The following ASTN1 variants were observed in gnomAD, a reference collection of about 807,000 sequenced individuals.
ASTN1 encodes astrotactin-1.
In ASTN1, 41 loss-of-function variants were observed where a neutral mutation model predicts 140.7. The observed-to-expected ratio is 0.29, with a 90% confidence interval of 0.23 to 0.38. The LOEUF (loss-of-function observed/expected upper bound fraction) is 0.38. ASTN1 is among the 10% of genes least tolerant of loss of function. The pLI is 1.00. For synonymous variants in ASTN1, 640 were observed against 652.2 expected (o/e 0.98, Z 0.29); for missense variants, 1,479 against 1,678.8 (o/e 0.88, Z 2.08).
At chr1:177,078,561 G>A (rs1679030444) in intron 1 of ASTN1, among the ~76,000 whole-genome samples, 1 of 152,070 alleles carries the variant, frequency 6.6e-6, no homozygotes, top group Admixed American at 6.6e-5. Flanking sequence ...GTAAATATAT[G>A]CCACCCAACG....
chr1:177,044,773 A>G (rs778378813), intron 2 of ASTN1, among the ~76,000 whole-genome samples: 1 of 152,170 alleles, frequency 6.6e-6, no homozygotes, highest in Admixed American at 6.5e-5. Flanking sequence ...CTAATTCTGT[A>G]CCTGTTTTCC....
chr1:176,928,945 G>A (rs1026335282), intron 16 of ASTN1, among the ~76,000 whole-genome samples: 3 of 152,206 alleles, frequency 2.0e-5, no homozygotes, highest in Admixed American at 1.3e-4. Context: ...AAGCATTCAA[G>A]AGAGAAAATT....
chr1:176,968,227 G>C (rs1237925815), intron 8 of ASTN1, among the ~76,000 whole-genome samples: 1 of 152,248 alleles, frequency 6.6e-6, no homozygotes, highest in African/African-American at 2.4e-5. Flanking sequence ...GCCTAGAACA[G>C]TGCGTGGCAT....
intron 16 of ASTN1, among the ~76,000 whole-genome samples, chr1:176,901,262 A>C (rs1669753400): frequency 6.6e-6 from 1 of 152,216 alleles, no homozygotes; most frequent in South Asian, 2.1e-4. Flanking sequence ...ATTTTCTAAA[A>C]CATACAAACA....
intron 12 of ASTN1, 98 bp downstream of exon 12, chr1:176,949,087 G>C: frequency 1.3e-6 from 2 of 1,503,226 alleles, no homozygotes; most frequent in Non-Finnish European, 1.8e-6. Context: ...GGATGGCCTA[G>C]GGTGACCTAT....
intron 1 of ASTN1, among the ~76,000 whole-genome samples, chr1:177,120,723 T>C (rs1681342498): frequency 6.6e-6 from 1 of 152,144 alleles, no homozygotes; most frequent in African/African-American, 2.4e-5. Context: ...TCTGCCTACA[T>C]TGGTATTCGC....
intron 1 of ASTN1, among the ~76,000 whole-genome samples, chr1:177,115,418 T>A (rs188065039): frequency 4.1e-4 from 62 of 152,208 alleles, no homozygotes; most frequent in Non-Finnish European, 6.2e-4. Flanking sequence ...ACACCTATAA[T>A]CCCAGCACTT....
At chr1:177,153,358 T>C (rs1409062573) in intron 1 of ASTN1, among the ~76,000 whole-genome samples, 1 of 152,104 alleles carries the variant, frequency 6.6e-6, no homozygotes, top group Non-Finnish European at 1.5e-5. Flanking sequence ...ATACCCAATC[T>C]TGAACTTTCC....
At chr1:177,125,155 AT>A (rs1235538474) in intron 1 of ASTN1, among the ~76,000 whole-genome samples, 1 of 152,234 alleles carries the variant, frequency 6.6e-6, no homozygotes, top group African/African-American at 2.4e-5. Context: ...ATGCCAAATG[AT>A]TTAAAGCAGT....
intron 1 of ASTN1, among the ~76,000 whole-genome samples, chr1:177,071,120 T>C (rs935246423): frequency 6.6e-6 from 1 of 152,230 alleles, no homozygotes; most frequent in Non-Finnish European, 1.5e-5. Flanking sequence ...GTCGTATTTG[T>C]ACATTTCTGT....
At position 177,017,466 on chromosome 1, in the gene ASTN1, T is replaced by G. The variant is rs78820782; in HGVS notation, c.1439-2591A>C. On this transcript the variant is annotated intron_variant, in intron 7 of 22. Coordinates refer to ENST00000361833, the MANE Select transcript of ASTN1 (RefSeq NM_004319.3). ...GGGGGAAGTTGCTATGGCAACCAAC[T>G]GCTAAATCTTGACTTTAAGAGGGGT... Among the ~76,000 whole-genome samples the G allele has an allele frequency of 2.0e-5, 3 of 152,350 alleles. No homozygotes were observed. The East Asian group carries it at 5.8e-4, about 29-fold the overall frequency.
At chr1:177,133,635 C>A (rs1423041381) in intron 1 of ASTN1, among the ~76,000 whole-genome samples, 1 of 152,138 alleles carries the variant, frequency 6.6e-6, no homozygotes. Flanking sequence ...TACCTATAGT[C>A]CTGCTAATGT....
rs562393480 is a variant in ASTN1 at position 177,151,892 on chromosome 1, C to T, written c.283+12502G>A. On this transcript the variant is annotated intron_variant, in intron 1 of 22. Coordinates refer to ENST00000361833, the MANE Select transcript of ASTN1 (RefSeq NM_004319.3). Reference sequence around the variant, plus strand: ...GGAGAGAAAAAGGAAATAGCCACTCCTCCCATGTGTTTGTACAGAAGGAAC... The same window carrying T: ...GGAGAGAAAAAGGAAATAGCCACTCTTCCCATGTGTTTGTACAGAAGGAAC... Among the ~76,000 whole-genome samples, 6 of 152,234 alleles carry T rather than the reference C, an allele frequency of 3.9e-5. No individual in the cohort carries two copies. In the South Asian group the frequency reaches 1.2e-3, roughly 32 times the overall value.
chr1:177,063,205 T>G (rs1476037599), intron 1 of ASTN1, among the ~76,000 whole-genome samples: 1 of 152,180 alleles, frequency 6.6e-6, no homozygotes, highest in African/African-American at 2.4e-5. Context: ...CAAAAGACAC[T>G]GATATGATTC....
chr1:177,043,862 C>G (rs1317832683), intron 2 of ASTN1, among the ~76,000 whole-genome samples: 1 of 152,176 alleles, frequency 6.6e-6, no homozygotes, highest in Non-Finnish European at 1.5e-5. Context: ...AGGAGAAACC[C>G]TGGCAGTCAA....
intron 16 of ASTN1, among the ~76,000 whole-genome samples, chr1:176,915,229 C>A (rs779795126): frequency 3.9e-5 from 6 of 152,196 alleles, no homozygotes; most frequent in Non-Finnish European, 7.3e-5. Flanking sequence ...CTAATAGTTA[C>A]ATTACTGAGG....
chr1:176,969,003 G>T (rs1403761952), intron 8 of ASTN1, among the ~76,000 whole-genome samples: 1 of 152,088 alleles, frequency 6.6e-6, no homozygotes, highest in Non-Finnish European at 1.5e-5. Context: ...GCCATAGATG[G>T]CCATACAGGA....
At position 177,037,366 on chromosome 1, in the gene ASTN1, T is replaced by C. The variant is rs547996922; in HGVS notation, c.472-4517A>G. 8.5e-5 allele frequency among the ~76,000 whole-genome samples: 13 copies of C among 152,322 alleles called. No homozygotes were observed. In the South Asian group the frequency reaches 2.7e-3, roughly 32 times the overall value. ...GGAGCAACAATTGTCCTCTGGATTC[T>C]CAGCTCCAAAAAGACCTCTACTCAA... On this transcript the variant is annotated intron_variant, in intron 2 of 22. Coordinates refer to ENST00000361833, the MANE Select transcript of ASTN1 (RefSeq NM_004319.3).
At chr1:176,972,796 C>T (rs1673195608) in intron 8 of ASTN1, among the ~76,000 whole-genome samples, 1 of 152,172 alleles carries the variant, frequency 6.6e-6, no homozygotes, top group South Asian at 2.1e-4. Flanking sequence ...AAATAACACA[C>T]TTGTCAGTAA....
Sources: gnomAD v4.1 joint callset for allele counts (sites outside exome capture counted in the v4.1 genomes callset) on GRCh38, gnomAD v4.1.1 for gene constraint, MANE v1.5 for transcripts, NCBI Gene and HGNC (gene_info 2026-07-23, HGNC 2026-07-21) for gene names.